Variants in CR1L observed in about 807,000 individuals in gnomAD.
The protein encoded by CR1L is complement C3b/C4b receptor 1 like.
Under a neutral mutation model 62.3 loss-of-function variants are expected in CR1L, and 59 were observed. That is an observed-to-expected ratio of 0.95 (90% CI 0.77 to 1.18). The LOEUF (loss-of-function observed/expected upper bound fraction) is 1.18. Ranked by LOEUF, CR1L falls within the 50% of genes most tolerant of loss-of-function variation. The pLI is 0.00. For synonymous variants in CR1L, 279 were observed against 248.7 expected (o/e 1.12, Z -1.15); for missense variants, 700 against 702.8 (o/e 1.00, Z 0.04).
chr1:207,668,223 T>C (rs926856356), intron 1 of CR1L, among the ~76,000 whole-genome samples: 4 of 151,204 alleles, frequency 2.6e-5, no homozygotes, highest in East Asian at 1.9e-4. Flanking sequence ...CACTCTCACA[T>C]TCAATGATGC....
intron 1 of CR1L, among the ~76,000 whole-genome samples, chr1:207,665,869 G>A (rs1327035875): frequency 6.6e-6 from 1 of 152,200 alleles, no homozygotes; most frequent in Non-Finnish European, 1.5e-5. Flanking sequence ...ACTTGAGTAA[G>A]ACAGTCAGAT....
chr1:207,645,230 G>A lies in CR1L; in HGVS notation c.-4G>A. The A allele has an allele frequency of 6.2e-7, 1 of 1,612,772 alleles. No homozygotes were observed. ...GATAAATCACGGGGTCTCCCGCGCC[G>A]CTCATGGCGCCTCCCGTCCGTCTCG... On this transcript the variant is annotated 5_prime_UTR_variant, in exon 1 of 12. Transcript: ENST00000508064.
chr1:207,671,798 G>C, intron 1 of CR1L, among the ~76,000 whole-genome samples: 1 of 150,684 alleles, frequency 6.6e-6, no homozygotes, highest in Non-Finnish European at 1.5e-5. Flanking sequence ...GTGGGTGCCT[G>C]TAATCCCAGC....
intron 1 of CR1L, among the ~76,000 whole-genome samples, chr1:207,661,880 T>G (rs1169605420): frequency 1.3e-5 from 2 of 152,020 alleles, no homozygotes; most frequent in African/African-American, 2.4e-5. Context: ...GTCTGTAAAG[T>G]ATTTTATTTC....
At chr1:207,652,949 T>C (rs951400092) in intron 1 of CR1L, 1 of 272,210 alleles carries the variant, frequency 3.7e-6, no homozygotes, top group African/African-American at 2.3e-5. Flanking sequence ...AAACTGAAAT[T>C]TGCCCTTATA....
intron 7 of CR1L, among the ~76,000 whole-genome samples, chr1:207,698,184 A>C (rs748098180): frequency 6.6e-6 from 1 of 152,226 alleles, no homozygotes; most frequent in African/African-American, 2.4e-5. Context: ...TCAAAATTTT[A>C]GAATTTCAAA....
chr1:207,652,179 G>A (rs59204073), intron 1 of CR1L, among the ~76,000 whole-genome samples: 6,645 of 152,298 alleles, frequency 0.044, 502 homozygotes, highest in African/African-American at 0.15. Context: ...AGAACAATCT[G>A]AGCAGAGTGC....
chr1:207,712,869 G>T (rs1664380543), intron 10 of CR1L, among the ~76,000 whole-genome samples: 1 of 152,230 alleles, frequency 6.6e-6, no homozygotes, highest in South Asian at 2.1e-4. Flanking sequence ...GATGAAGGGT[G>T]AGTGTGACCC....
In CR1L at chr1:207,718,944, T is replaced by A. The variant is rs371870028; in HGVS notation, c.1642+1253T>A. Among the ~76,000 whole-genome samples the A allele has an allele frequency of 8.3e-4, 124 of 149,918 alleles. 2 individuals are homozygous for A. In the East Asian group the frequency reaches 0.02, roughly 25 times the overall value. On this transcript the variant is annotated intron_variant, in intron 11 of 11. Coordinates refer to ENST00000508064, the MANE Select transcript of CR1L (RefSeq NM_175710.2). ...TATGCAGCCATAAAAAATGATGAGTTCATGTCCTTTGTAGGGACATGGATG... is the reference window on the plus strand; with the variant it reads ...TATGCAGCCATAAAAAATGATGAGTACATGTCCTTTGTAGGGACATGGATG...
At chr1:207,657,071 TA>T (rs1663325459) in intron 1 of CR1L, 3 of 597,362 alleles carry the variant, frequency 5.0e-6, no homozygotes, top group African/African-American at 1.9e-5. Flanking sequence ...GAAATTTTAC[TA>T]ATGCTGCCTT....
At chr1:207,712,111 A>G (rs893411053) in intron 10 of CR1L, among the ~76,000 whole-genome samples, 6 of 152,216 alleles carry the variant, frequency 3.9e-5, no homozygotes, top group Non-Finnish European at 7.3e-5. Flanking sequence ...TTCTGTCCTG[A>G]GTGAGGCAAG....
intron 1 of CR1L, among the ~76,000 whole-genome samples, chr1:207,663,536 T>C (rs749887305): frequency 2.0e-5 from 3 of 152,216 alleles, no homozygotes; most frequent in African/African-American, 4.8e-5. Flanking sequence ...CCAGGTGCCA[T>C]CTGTCACCCC....
intron 9 of CR1L, among the ~76,000 whole-genome samples, chr1:207,707,784 T>TCACACACACACA (rs1558024543): frequency 4.1e-5 from 2 of 48,626 alleles, no homozygotes; most frequent in African/African-American, 1.9e-4. Context: ...TGGCATAGTA[T>TCACACACACACA]TACACACACA....
At chr1:207,688,328 A>G (rs1160065734) in intron 4 of CR1L, among the ~76,000 whole-genome samples, 2 of 152,210 alleles carry the variant, frequency 1.3e-5, no homozygotes, top group Non-Finnish European at 2.9e-5. Flanking sequence ...CACCATGGCC[A>G]TAAGTCAGGT....
At chr1:207,660,087 G>C (rs1018295390) in intron 1 of CR1L, among the ~76,000 whole-genome samples, 3 of 152,236 alleles carry the variant, frequency 2.0e-5, no homozygotes, top group Non-Finnish European at 4.4e-5. Context: ...CCACCTCTGG[G>C]TGCATGGCAT....
In CR1L at chr1:207,719,257, AT is replaced by A. The variant is rs1457181009; in HGVS notation, c.1642+1569del. Among the ~76,000 whole-genome samples the A allele has an allele frequency of 3.0e-4, 30 of 98,830 alleles. 1 individual carries two copies. The highest frequency in any genetic ancestry group is 1.7e-3 in the Admixed American group (18 of 10,358). The allele number at this position is 98,830 out of a possible 152,430, so 64.8% of individuals were successfully genotyped here. ...CATGTACCCTAAAACTTAAAGTATA[AT>A]TTAAAAAAAAAAAACATTAAAAAAA... On this transcript the variant is annotated intron_variant, in intron 11 of 11. Coordinates refer to ENST00000508064, the MANE Select transcript of CR1L (RefSeq NM_175710.2).
Position 207,699,277 on chromosome 1 carries a change from A to T in CR1L, c.1228+3A>T. On this transcript the variant is annotated splice_donor_region_variant and intron_variant, in intron 8 of 11. Coordinates refer to ENST00000508064, the MANE Select transcript of CR1L (RefSeq NM_175710.2). The stretch of plus-strand genomic sequence containing the variant: ...TAGCAGTGTTCCAGTGTGTGAACGT[A>T]AGTAATAGGAGTAACATTTCAGGCC... 1.2e-6 allele frequency: 2 copies of T among 1,613,692 alleles called. No homozygotes were observed. The highest frequency in any genetic ancestry group is 1.7e-6 in the Non-Finnish European group (2 of 1,179,600).
intron 1 of CR1L, among the ~76,000 whole-genome samples, chr1:207,648,972 T>C (rs1663180377): frequency 6.6e-6 from 1 of 150,602 alleles, no homozygotes; most frequent in Non-Finnish European, 1.5e-5. Context: ...CAAATTTTTT[T>C]CAAATAGCTA....
intron 1 of CR1L, among the ~76,000 whole-genome samples, chr1:207,673,731 C>A (rs1424870205): frequency 6.6e-6 from 1 of 152,188 alleles, no homozygotes; most frequent in African/African-American, 2.4e-5. Context: ...GGTAAAATTA[C>A]AACATAACTT....
Sources: gnomAD v4.1 joint callset for allele counts (sites outside exome capture counted in the v4.1 genomes callset) on GRCh38, gnomAD v4.1.1 for gene constraint, MANE v1.5 for transcripts, NCBI Gene and HGNC (gene_info 2026-07-23, HGNC 2026-07-21) for gene names.